Variants in VTI1A observed in about 807,000 individuals in gnomAD.
The protein encoded by VTI1A is vesicle transport through interaction with t-SNAREs homolog 1A.
Under a neutral mutation model 34.9 loss-of-function variants are expected in VTI1A, and 22 were observed. The ratio of observed to expected loss-of-function variants is 0.63; its 90% CI spans 0.45 to 0.90. The LOEUF is 0.90. Among genes scored for constraint, VTI1A ranks in the 40% least tolerant of loss-of-function variants. The pLI is 0.00. For synonymous variants in VTI1A, 87 were observed against 97.3 expected (o/e 0.89, Z 0.62); for missense variants, 268 against 275.6 (o/e 0.97, Z 0.20).
chr10:112,494,541 C>T (rs1301717723), intron 3 of VTI1A, among the ~76,000 whole-genome samples: 9 of 152,052 alleles, frequency 5.9e-5, no homozygotes, highest in African/African-American at 2.2e-4. Flanking sequence ...CCTTTCCTCG[C>T]TCCGTTGCCA....
rs147194202 is a variant in VTI1A at position 112,579,123 on chromosome 10, G to A, written c.427+40793G>A. Among the ~76,000 whole-genome samples the A allele has an allele frequency of 3.3e-3, 500 of 152,314 alleles. 1 individual carries two copies. The highest frequency in any genetic ancestry group is 0.011 in the African/African-American group (473 of 41,578). On this transcript the variant is annotated intron_variant, in intron 5 of 7. Transcript: ENST00000393077. Reference sequence around the variant, plus strand: ...CCCAGAGACACACTTAAGAGATGCCGTATCCCAGTACCCTTGATGCAGCAT... The same window carrying A: ...CCCAGAGACACACTTAAGAGATGCCATATCCCAGTACCCTTGATGCAGCAT...
intron 7 of VTI1A, among the ~76,000 whole-genome samples, chr10:112,725,612 T>A (rs140671131): frequency 4.3e-4 from 65 of 152,352 alleles, no homozygotes; most frequent in African/African-American, 1.4e-3. Flanking sequence ...TTCACTTCTG[T>A]CATTCAGTTT....
At chr10:112,809,104 G>C (rs74330829) in intron 7 of VTI1A, among the ~76,000 whole-genome samples, 2,073 of 152,244 alleles carry the variant, frequency 0.014, 52 homozygotes, top group African/African-American at 0.047. Flanking sequence ...GAATTCTCGC[G>C]ATGGGGCTGA....
At chr10:112,612,822 T>C (rs893467714) in intron 5 of VTI1A, among the ~76,000 whole-genome samples, 2 of 152,210 alleles carry the variant, frequency 1.3e-5, no homozygotes, top group Admixed American at 1.3e-4. Flanking sequence ...ATAAAAGTTA[T>C]AATGAAGCAT....
chr10:112,540,711 A>G, intron 5 of VTI1A, among the ~76,000 whole-genome samples: 1 of 152,218 alleles, frequency 6.6e-6, no homozygotes, highest in East Asian at 1.9e-4. Context: ...CAGCCTAGTC[A>G]TGGCTTGTCA....
In VTI1A at chr10:112,612,481, C is replaced by T. The variant is rs147407523; in HGVS notation, c.428-55737C>T. On this transcript the variant is annotated intron_variant, in intron 5 of 7. Coordinates refer to ENST00000393077, the MANE Select transcript of VTI1A (RefSeq NM_145206.4). ...TCACCCCGGCTGGAGTGCAATAGCA[C>T]GATCATAACTCACTGTAACTTTAAA... Among the ~76,000 whole-genome samples the T allele has an allele frequency of 3.6e-3, 541 of 152,274 alleles. 5 individuals carry two copies. Among genetic ancestry groups the T allele is most frequent in the African/African-American group, 0.013 (521 of 41,542 alleles).
chr10:112,835,259 G>A, the VTI1A span, among the ~76,000 whole-genome samples: 46 of 152,272 alleles, frequency 3.0e-4, no homozygotes, highest in African/African-American at 1.0e-3. Context: ...CCCGGTGGCA[G>A]TCAATTGATT....
intron 7 of VTI1A, among the ~76,000 whole-genome samples, chr10:112,792,531 C>T (rs1045120403): frequency 6.6e-6 from 1 of 152,134 alleles, no homozygotes; most frequent in East Asian, 1.9e-4. Flanking sequence ...ATAATCACCC[C>T]TACACACACA....
chr10:112,576,523 C>T, intron 5 of VTI1A, among the ~76,000 whole-genome samples: 1 of 151,980 alleles, frequency 6.6e-6, no homozygotes, highest in East Asian at 1.9e-4. Flanking sequence ...AAAAAATTTC[C>T]AAGTGGAAGT....
At chr10:112,573,339 G>A (rs373017675) in intron 5 of VTI1A, among the ~76,000 whole-genome samples, 26 of 151,982 alleles carry the variant, frequency 1.7e-4, no homozygotes, top group African/African-American at 6.0e-4. Context: ...TTATTGTCCC[G>A]TTTTCCTGTC....
In VTI1A at chr10:112,818,589, C is replaced by T. The variant is rs1022183443; in HGVS notation, c.*3206C>T. 1 of 221,460 alleles carries T rather than the reference C, an allele frequency of 4.5e-6. No homozygotes were observed. The highest frequency in any genetic ancestry group is 2.2e-5 in the African/African-American group (1 of 44,644). The allele number at this position is 221,460 out of a possible 1,614,324, so 13.7% of individuals were successfully genotyped here. ...TCACGACTGACTGACAGCCGTCAGT[C>T]CCAGAGGGGCTCATTAAATCATAAA... On this transcript the variant is annotated 3_prime_UTR_variant, in exon 8 of 8. Transcript: ENST00000393077.
At chr10:112,511,976 C>T (rs960886703) in intron 3 of VTI1A, among the ~76,000 whole-genome samples, 3 of 152,082 alleles carry the variant, frequency 2.0e-5, no homozygotes, top group Admixed American at 6.6e-5. Context: ...TTGATGAACA[C>T]TTAGGTTGAT....
At chr10:112,587,880 C>A (rs1310030742) in intron 5 of VTI1A, among the ~76,000 whole-genome samples, 4 of 151,928 alleles carry the variant, frequency 2.6e-5, no homozygotes, top group Non-Finnish European at 5.9e-5. Flanking sequence ...TGCCTTCTTA[C>A]ATTCTTAATG....
intron 7 of VTI1A, among the ~76,000 whole-genome samples, chr10:112,729,730 A>G (rs1386825168): frequency 6.6e-6 from 1 of 152,218 alleles, no homozygotes; most frequent in Non-Finnish European, 1.5e-5. Context: ...TGATGGGGAT[A>G]TGAAGCAATT....
chr10:112,850,774 C>T, the VTI1A span, among the ~76,000 whole-genome samples: 2 of 152,134 alleles, frequency 1.3e-5, no homozygotes, highest in African/African-American at 2.4e-5. Context: ...TCAAAAACAA[C>T]TAAAACTTTG....
At chr10:112,536,876 T>TA (rs1444508579) in intron 4 of VTI1A, among the ~76,000 whole-genome samples, 1 of 151,816 alleles carries the variant, frequency 6.6e-6, no homozygotes, top group Non-Finnish European at 1.5e-5. Context: ...TTGTGAATGG[T>TA]AATGATAACA....
the VTI1A span, among the ~76,000 whole-genome samples, chr10:112,854,771 G>A: frequency 2.6e-5 from 4 of 152,176 alleles, no homozygotes; most frequent in Non-Finnish European, 2.9e-5. Flanking sequence ...GAGAGCAATC[G>A]GGAAGCGATA....
chr10:112,696,845 G>A (rs1261716163), intron 7 of VTI1A, among the ~76,000 whole-genome samples: 1 of 152,148 alleles, frequency 6.6e-6, no homozygotes, highest in Non-Finnish European at 1.5e-5. Flanking sequence ...AAATCATTAA[G>A]TGACACAAGT....
rs1457428317 is a variant in VTI1A at position 112,767,789 on chromosome 10, A to AT, written c.561-47497dup. Among the ~76,000 whole-genome samples, 1 of 152,024 alleles carries AT rather than the reference A, an allele frequency of 6.6e-6. No individual in the cohort carries two copies. The highest frequency in any genetic ancestry group is 1.5e-5 in the Non-Finnish European group (1 of 68,010). ...GACCAATGGGACATGTAACTAACTTATTTTAAACACAAACTTCATGTAAGG... is the reference window on the plus strand; with the variant it reads ...GACCAATGGGACATGTAACTAACTTATTTTTAAACACAAACTTCATGTAAGG... On this transcript the variant is annotated intron_variant, in intron 7 of 7. Coordinates refer to ENST00000393077, the MANE Select transcript of VTI1A (RefSeq NM_145206.4). This position sits in a 1 kb window ranked among gnomAD's most constrained non-coding sequence, Gnocchi z 4.0.
Sources: allele counts gnomAD v4.1 joint callset (sites outside exome capture counted in the v4.1 genomes callset), GRCh38; gene constraint gnomAD v4.1.1; non-coding constraint Gnocchi (gnomAD v3.1); transcripts MANE v1.5; gene names NCBI Gene and HGNC (gene_info 2026-07-23, HGNC 2026-07-21).